Variants in TIMD4 observed in about 807,000 individuals in gnomAD.
TIMD4 encodes the protein T cell immunoglobulin and mucin domain containing 4.
A neutral mutation model predicts 41.2 loss-of-function variants in TIMD4; 31 were observed. That is an observed-to-expected ratio of 0.75 (90% CI 0.57 to 1.01). TIMD4 has a LOEUF of 1.01. TIMD4 is among the 50% of genes least tolerant of loss of function. The probability of loss-of-function intolerance (pLI) is 0.00; values close to 1 mark genes in which losing one functional copy is unlikely to be tolerated. For missense variants in TIMD4, 479 were observed against 472.5 expected (o/e 1.01, Z -0.13); for synonymous variants, 204 against 177.1 (o/e 1.15, Z -1.21).
chr5:156,947,153 G>A (rs186602942), intron 5 of TIMD4, among the ~76,000 whole-genome samples: 15 of 151,836 alleles, frequency 9.9e-5, no homozygotes, highest in African/African-American at 3.4e-4. Flanking sequence ...AGCGGAGATC[G>A]CACCACTGCA....
Position 156,919,356 on chromosome 5 carries a change from G to T in TIMD4, c.*101C>A. 3 of 1,091,106 alleles carry T rather than the reference G, an allele frequency of 2.7e-6. No individual in the cohort carries two copies. Among genetic ancestry groups the T allele is most frequent in the Non-Finnish European group, 4.1e-6 (3 of 726,616 alleles). 67.6% of individuals were successfully genotyped at this position (1,091,106 alleles called of 1,614,324 possible). ...CAAGCCTGGATCAATGACATCCATG[G>T]AATAAGTGAGTCTTTTTTATGAAAC... On this transcript the variant is annotated 3_prime_UTR_variant, in exon 9 of 9. Coordinates refer to ENST00000274532, the MANE Select transcript of TIMD4 (RefSeq NM_138379.3).
At chr5:156,933,588 G>A (rs970874465) in intron 5 of TIMD4, among the ~76,000 whole-genome samples, 9 of 130,596 alleles carry the variant, frequency 6.9e-5, no homozygotes, top group African/African-American at 2.8e-4. Flanking sequence ...TTTTGTTTGA[G>A]ACAGAGTCTC....
chr5:156,961,792 G>C (rs570648144), intron 1 of TIMD4, among the ~76,000 whole-genome samples: 4 of 93,462 alleles, frequency 4.3e-5, no homozygotes, highest in Non-Finnish European at 7.7e-5. Context: ...CTAGGCAAAA[G>C]AGCGAGACTC....
chr5:156,957,421 G>T (rs550125016), intron 1 of TIMD4, among the ~76,000 whole-genome samples: 1 of 150,566 alleles, frequency 6.6e-6, no homozygotes, highest in South Asian at 2.1e-4. Flanking sequence ...GCTGAGGCAG[G>T]AGAATCGCTG....
intron 5 of TIMD4, among the ~76,000 whole-genome samples, chr5:156,940,608 C>T (rs1759628254): frequency 7.0e-6 from 1 of 142,754 alleles, no homozygotes; most frequent in South Asian, 2.1e-4. Context: ...CCCGGCCGCC[C>T]CGTCTGGGAG....
At chr5:156,929,177 A>C (rs573795742) in intron 5 of TIMD4, among the ~76,000 whole-genome samples, 19 of 152,278 alleles carry the variant, frequency 1.2e-4, no homozygotes, top group African/African-American at 4.3e-4. Flanking sequence ...TAGCCATGCC[A>C]GTGGCAAGGG....
intron 5 of TIMD4, among the ~76,000 whole-genome samples, chr5:156,940,851 G>A (rs1393935791): frequency 3.9e-5 from 6 of 152,276 alleles, no homozygotes; most frequent in Admixed American, 6.5e-5. Flanking sequence ...CCATGATGAC[G>A]ATGGCGGTTT....
chr5:156,920,517 G>A lies in TIMD4; in HGVS notation c.1013-14C>T, dbSNP rs752044760. ...CCATGAGTTTCCCTGAAAAGACAAG[G>A]CCACAGTGTGAGCAGAGTGGCTGCG... is the stretch of plus-strand genomic sequence containing the variant. On this transcript the variant is annotated splice_polypyrimidine_tract_variant and intron_variant, in intron 7 of 8. Transcript: ENST00000274532. 6.2e-6 allele frequency: 10 copies of A among 1,613,836 alleles called. No individual in the cohort carries two copies. In the African/African-American group the frequency reaches 6.7e-5, roughly 11 times the overall value.
intron 5 of TIMD4, among the ~76,000 whole-genome samples, chr5:156,933,847 A>C (rs1392633154): frequency 1.3e-5 from 2 of 152,298 alleles, no homozygotes; most frequent in Non-Finnish European, 2.9e-5. Context: ...GGTGTGAGCC[A>C]CCGTGCCCGG....
intron 5 of TIMD4, among the ~76,000 whole-genome samples, chr5:156,939,419 C>A (rs566414883): frequency 3.3e-5 from 5 of 152,248 alleles, no homozygotes; most frequent in African/African-American, 1.2e-4. Flanking sequence ...TTGCACTACC[C>A]CTTTTGAGAG....
Position 156,922,213 on chromosome 5 carries a change from C to T in TIMD4, c.898G>A (p.Asp300Asn), listed in dbSNP as rs2113338001. The T allele has an allele frequency of 6.2e-7, 1 of 1,612,676 alleles. No individual in the cohort carries two copies. Among genetic ancestry groups the T allele is most frequent in the African/African-American group, 1.3e-5 (1 of 75,000 alleles). The change falls in exon 7 of 9, where the codon GAT (aspartate) becomes AAT (asparagine). Residue 300 changes from aspartate to asparagine, a missense_variant. Physicochemically the swap from Asp to Asn is conservative, Grantham distance 23. Coordinates refer to ENST00000274532, the MANE Select transcript of TIMD4 (RefSeq NM_138379.3). Reference protein sequence around the residue: ...QNKTTKTGQMDGIPMSMKNEM... With the variant: ...QNKTTKTGQMNGIPMSMKNEM... Reference sequence around the variant, plus strand: ...TTCTTCATTGACATGGGTATTCCATCCATCTGATGGGACACAGGCAAGGAG... The same window carrying T: ...TTCTTCATTGACATGGGTATTCCATTCATCTGATGGGACACAGGCAAGGAG...
At chr5:156,930,038 T>C (rs573691847) in intron 5 of TIMD4, among the ~76,000 whole-genome samples, 1 of 152,340 alleles carries the variant, frequency 6.6e-6, no homozygotes, top group East Asian at 1.9e-4. Flanking sequence ...TGGCACGATC[T>C]TGGCTCGCTG....
intron 1 of TIMD4, among the ~76,000 whole-genome samples, chr5:156,958,348 GGAAAGGAAAGGAAAGGAAAGGAAAGGA>G (rs1760018826): frequency 7.2e-6 from 1 of 138,684 alleles, no homozygotes; most frequent in Non-Finnish European, 1.5e-5. Context: ...GGAAAGGAAA[GGAAAGGAAAGGAAAGGAAAGGAAAGGA>G]AAGGAAAGGA....
chr5:156,955,271 A>G (rs1321948519), intron 1 of TIMD4, among the ~76,000 whole-genome samples: 1 of 152,210 alleles, frequency 6.6e-6, no homozygotes, highest in Non-Finnish European at 1.5e-5. Context: ...AAACTCTTAC[A>G]TGAAAAATCC....
chr5:156,939,327 C>T (rs1207175244), intron 5 of TIMD4, among the ~76,000 whole-genome samples: 2 of 152,172 alleles, frequency 1.3e-5, no homozygotes, highest in East Asian at 1.9e-4. Context: ...GCACTAGACA[C>T]GTTGAGCCAA....
intron 7 of TIMD4, among the ~76,000 whole-genome samples, chr5:156,921,133 G>A (rs1196359619): frequency 7.2e-6 from 1 of 139,486 alleles, no homozygotes; most frequent in Non-Finnish European, 1.6e-5. Flanking sequence ...GGGGCGGGGG[G>A]CAGGGGTGGG....
intron 5 of TIMD4, among the ~76,000 whole-genome samples, chr5:156,930,881 CTG>C (rs1365969656): frequency 6.6e-6 from 1 of 152,184 alleles, no homozygotes; most frequent in South Asian, 2.1e-4. Context: ...TCTTCAGAAA[CTG>C]TGAATATGTT....
At chr5:156,924,041 T>A in intron 6 of TIMD4, 1 of 188,786 alleles carries the variant, frequency 5.3e-6, no homozygotes, top group South Asian at 1.1e-4. Context: ...GAGACAGGGG[T>A]CTCGCCCTGT....
At chr5:156,923,185 G>T (rs1759282835) in intron 6 of TIMD4, among the ~76,000 whole-genome samples, 1 of 135,240 alleles carries the variant, frequency 7.4e-6, no homozygotes, top group Non-Finnish European at 1.5e-5. Context: ...GTCTCACTCT[G>T]TCAGCCAGGC....
Sources: allele counts gnomAD v4.1 joint callset (sites outside exome capture counted in the v4.1 genomes callset), GRCh38; gene constraint gnomAD v4.1.1; transcripts MANE v1.5; gene names NCBI Gene and HGNC (gene_info 2026-07-23, HGNC 2026-07-21).